Variants in KIAA2013 observed in about 807,000 individuals in gnomAD.
The protein encoded by KIAA2013 is KIAA2013.
A neutral mutation model predicts 39.9 loss-of-function variants in KIAA2013; 20 were observed. That is an observed-to-expected ratio of 0.50 (90% CI 0.35 to 0.73). KIAA2013 has a LOEUF of 0.73. KIAA2013 is among the 30% of genes least tolerant of loss of function. The pLI, the probability that KIAA2013 is intolerant of heterozygous loss-of-function variation, is 0.01. For synonymous variants in KIAA2013, 336 were observed against 416.6 expected, an observed-to-expected ratio of 0.81 and a Z score of 2.35; for missense variants, 587 against 856.1, an observed-to-expected ratio of 0.69 and a Z score of 3.92.
rs200674029 is a variant in KIAA2013, at chr1:11,922,891, C to G, written c.1632G>C (p.Ser544=). The change falls in exon 2 of 3, where the codon TCG becomes TCC. Residue 544 remains serine (S), a synonymous_variant. Transcript: ENST00000376572. ...GCGTGATGGGCTGTGTCACCATGAC[C>G]GAGAAGGTGTGGCCCGTGGGCGCCG... ...LTSAPTGHTF[S]VMVTQPITPL... is the part of the protein sequence containing the mutation. The G allele has an allele frequency of 6.2e-7, 1 of 1,612,150 alleles. No individual in the cohort carries two copies. Among genetic ancestry groups the G allele is most frequent in the South Asian group, 1.1e-5 (1 of 90,944 alleles).
At position 11,920,047 on chromosome 1, in the gene KIAA2013, T is replaced by G. The variant is rs528016940; in HGVS notation, c.*268A>C. 3.8e-6 allele frequency: 2 copies of G among 526,230 alleles called. No individual in the cohort carries two copies. The highest frequency in any genetic ancestry group is 3.9e-5 in the African/African-American group (2 of 51,418). 32.6% of individuals were successfully genotyped at this position (526,230 alleles called of 1,614,324 possible). The stretch of plus-strand genomic sequence containing the variant: ...GAAGAAAGGGGGAAAGTGGAAGGAG[T>G]GAGTTCCATTTCAAGTATTTGCCAT... On this transcript the variant is annotated 3_prime_UTR_variant, in exon 3 of 3. Transcript: ENST00000376572.
chr1:11,925,842 G>C lies in KIAA2013; in HGVS notation c.396C>G (p.Ser132Arg). 4 of 1,533,340 alleles carry C rather than the reference G, an allele frequency of 2.6e-6. No homozygotes were observed. Among genetic ancestry groups the C allele is most frequent in the Non-Finnish European group, 3.5e-6 (4 of 1,147,256 alleles). 95.0% of individuals were successfully genotyped at this position (1,533,340 alleles called of 1,614,324 possible). Residue 132 changes from serine to arginine, a missense_variant, in exon 1 of 3, where the codon AGC becomes AGG. By Grantham distance (110) the Ser-to-Arg change is moderately radical. Transcript: ENST00000376572. This position sits in a 1 kb window ranked among gnomAD's most constrained non-coding sequence, Gnocchi z 5.2. ...CCGCCTCTCCAGCTTCAGCCAGCGC[G>C]CTCAGCGGGCGCAGCTGCACGAAGG... is the stretch of plus-strand genomic sequence containing the variant. ...FVPFVQLRPL[S>R]ALAEAGEAVL... is the part of the protein sequence containing the mutation.
At position 11,926,308 on chromosome 1, in the gene KIAA2013, G is replaced by C. The variant is rs1645507506; in HGVS notation, c.-71C>G. On this transcript the variant is annotated 5_prime_UTR_variant, in exon 1 of 3. Transcript: ENST00000376572. Reference sequence around the variant, plus strand: ...CGCCGCCCAGCCCACCGGCCCGGCCGCCCGCGCCTCACTGCCCGGCCCGGA... The same window carrying C: ...CGCCGCCCAGCCCACCGGCCCGGCCCCCCGCGCCTCACTGCCCGGCCCGGA... 1.2e-6 allele frequency: 1 copy of C among 808,300 alleles called. No homozygotes were observed. Among genetic ancestry groups the C allele is most frequent in the African/African-American group, 1.9e-5 (1 of 53,536 alleles). 50.1% of individuals were successfully genotyped at this position (808,300 alleles called of 1,614,324 possible).
intron 2 of KIAA2013, 83 bp downstream of exon 2, chr1:11,922,553 C>A (rs755465526): frequency 2.0e-5 from 32 of 1,567,288 alleles, no homozygotes; most frequent in Non-Finnish European, 2.7e-5. Flanking sequence ...CCTCACCCCC[C>A]CTCGCCAGGC....
At chr1:11,924,183 G>C (rs1476690485) in intron 1 of KIAA2013, among the ~76,000 whole-genome samples, 1 of 151,934 alleles carries the variant, frequency 6.6e-6, no homozygotes, top group African/African-American at 2.4e-5. Flanking sequence ...CCATCCTCTC[G>C]CCGGGCGCGG....
At chr1:11,925,000 G>A (rs1181294150) in intron 1 of KIAA2013, among the ~76,000 whole-genome samples, 2 of 152,204 alleles carry the variant, frequency 1.3e-5, no homozygotes, top group Admixed American at 6.5e-5. Flanking sequence ...ACCTTCTGAG[G>A]TAGGCGTTAT....
intron 2 of KIAA2013, among the ~76,000 whole-genome samples, chr1:11,922,022 A>C (rs1414631031): frequency 6.7e-6 from 1 of 149,396 alleles, no homozygotes; most frequent in Non-Finnish European, 1.5e-5. Flanking sequence ...TGATTTTTAA[A>C]TTTTTTGTAG....
intron 2 of KIAA2013, 195 bp downstream of exon 2, chr1:11,922,440 TG>T: frequency 6.8e-7 from 1 of 1,460,478 alleles, no homozygotes; most frequent in Non-Finnish European, 9.1e-7. Context: ...AATTCACACC[TG>T]GATTTCCAGC....
rs1006512060 is a variant in KIAA2013, at chr1:11,922,957, G to A, written c.1566C>T (p.Ala522=). 6.2e-7 allele frequency: 1 copy of A among 1,612,278 alleles called. No individual in the cohort carries two copies. The highest frequency in any genetic ancestry group is 1.3e-5 in the African/African-American group (1 of 74,916). The change falls in exon 2 of 3, where the codon GCC becomes GCT. Residue 522 remains alanine (A), a synonymous_variant. Coordinates refer to ENST00000376572, the MANE Select transcript of KIAA2013 (RefSeq NM_138346.3). ...GCTCGTCCAGGCAGCCTGCCTTGCAGGCATAGATCTTGACAGGCTGGCCAC... is the reference window on the plus strand; with the variant it reads ...GCTCGTCCAGGCAGCCTGCCTTGCAAGCATAGATCTTGACAGGCTGGCCAC... ...ESRGQPVKIY[A]CKAGCLDEPV...
At position 11,925,967 on chromosome 1, in the gene KIAA2013, C is replaced by G; in HGVS notation, c.271G>C (p.Ala91Pro). 1.9e-6 allele frequency: 3 copies of G among 1,541,736 alleles called. No individual in the cohort carries two copies. Among genetic ancestry groups the G allele is most frequent in the Non-Finnish European group, 2.6e-6 (3 of 1,151,600 alleles). The change falls in exon 1 of 3, where the codon GCC becomes CCC. Residue 91 changes from alanine (A) to proline (P), a missense_variant. Ala to Pro is a conservative substitution (Grantham distance 27). Coordinates refer to ENST00000376572, the MANE Select transcript of KIAA2013 (RefSeq NM_138346.3). This position sits in a 1 kb window ranked among gnomAD's most constrained non-coding sequence, Gnocchi z 5.2. ...EVVPLGPGVP[A>P]LVANGFLALD... ...GCCAGGAAGCCGTTGGCCACCAGGGCCGGCACTCCAGGACCCAGCGGTACC... is the reference window on the plus strand; with the variant it reads ...GCCAGGAAGCCGTTGGCCACCAGGGGCGGCACTCCAGGACCCAGCGGTACC...
Position 11,922,677 on chromosome 1 carries a change from CGTT to C in KIAA2013, c.1843_1845del (p.Asn615del). 4 of 1,613,626 alleles carry C rather than the reference CGTT, an allele frequency of 2.5e-6. No individual in the cohort carries two copies. Among genetic ancestry groups the C allele is most frequent in the Non-Finnish European group, 3.4e-6 (4 of 1,179,852 alleles). On this transcript the variant is annotated inframe_deletion, in exon 2 of 3. Coordinates refer to ENST00000376572, the MANE Select transcript of KIAA2013 (RefSeq NM_138346.3). ...GGCTTGGCTCCAGGCCCACAGTACT[CGTT>C]GTAGATGAGCTTGAAGAGGAAGAGG...
Position 11,926,091 on chromosome 1 carries a change from C to T in KIAA2013, c.147G>A (p.Leu49=), listed in dbSNP as rs1380179644. 1.4e-6 allele frequency: 2 copies of T among 1,451,296 alleles called. No individual in the cohort carries two copies. Among genetic ancestry groups the T allele is most frequent in the African/African-American group, 1.5e-5 (1 of 67,510 alleles). The allele number at this position is 1,451,296 out of a possible 1,614,324, so 89.9% of individuals were successfully genotyped here. ...GARRAAGGLH[L]LPWSRGEPGA... is the part of the protein sequence containing the mutation. Reference sequence around the variant, plus strand: ...CCGGCTCACCGCGGGACCAGGGCAGCAGGTGCAGGCCGCCCGCCGCCCGCC... The same window carrying T: ...CCGGCTCACCGCGGGACCAGGGCAGTAGGTGCAGGCCGCCCGCCGCCCGCC... Residue 49 remains leucine (L), a synonymous_variant, in exon 1 of 3, where the codon CTG becomes CTA. Transcript: ENST00000376572.
In KIAA2013 at chr1:11,923,146, C is replaced by T. The variant is rs1222572003; in HGVS notation, c.1377G>A (p.Gly459=). ...GGTGGTTCTCTGTGAACTGCAGCCC[C>T]CCAAAGCTGAGCACCATCCCCTGCA... is the stretch of plus-strand genomic sequence containing the variant. The part of the protein sequence containing the change: ...GILQGMVLSF[G]GLQFTENHLQ... The change falls in exon 2 of 3, where the codon GGG becomes GGA. Residue 459 remains glycine, a synonymous_variant. Transcript: ENST00000376572. The surrounding 1 kb of genome is among the most constrained non-coding windows in gnomAD (Gnocchi z 4.6). 1.2e-6 allele frequency: 2 copies of T among 1,612,618 alleles called. No homozygotes were observed. The highest frequency in any genetic ancestry group is 1.7e-6 in the Non-Finnish European group (2 of 1,179,204).
chr1:11,922,469 C>G (rs1357675728), intron 2 of KIAA2013, 167 bp downstream of exon 2: 1 of 1,476,764 alleles, frequency 6.8e-7, no homozygotes, highest in Non-Finnish European at 9.0e-7. Context: ...TCCTCGTCGT[C>G]TCCTCTCAAA....
At chr1:11,924,559 AC>A (rs1261391293) in intron 1 of KIAA2013, among the ~76,000 whole-genome samples, 1 of 152,132 alleles carries the variant, frequency 6.6e-6, no homozygotes, top group African/African-American at 2.4e-5. Context: ...TTCAATAGAT[AC>A]TTGCTGAATG....
Position 11,923,128 on chromosome 1 carries a change from C to A in KIAA2013, c.1395G>T (p.Glu465Asp). 1 of 1,610,126 alleles carries A rather than the reference C, an allele frequency of 6.2e-7. No individual in the cohort carries two copies. The highest frequency in any genetic ancestry group is 2.2e-5 in the East Asian group (1 of 44,736). ...GGTCGGCCTGGAACTGGAGGTGGTT[C>A]TCTGTGAACTGCAGCCCCCCAAAGC... is the stretch of plus-strand genomic sequence containing the variant. ...VLSFGGLQFT[E>D]NHLQFQADPD... is the part of the protein sequence containing the mutation. Residue 465 changes from glutamate to aspartate, a missense_variant, in exon 2 of 3, where the codon GAG becomes GAT. Physicochemically the swap from Glu to Asp is conservative, Grantham distance 45. Transcript: ENST00000376572. The surrounding 1 kb of genome is among the most constrained non-coding windows in gnomAD (Gnocchi z 4.6).
chr1:11,922,761 G>C lies in KIAA2013; in HGVS notation c.1762C>G (p.Pro588Ala). Residue 588 changes from proline to alanine, a missense_variant, in exon 2 of 3, where the codon CCC becomes GCC. By Grantham distance (27) the Pro-to-Ala change is conservative. Transcript: ENST00000376572. ...AACCAGAAGAGGAAGGGCAGCCCGG[G>C]GTCCTGCTGGGCCATGTGCTCATCA... The part of the protein sequence containing the change: ...AHDEHMAQQD[P>A]GLPFLFWFSV... The C allele has an allele frequency of 6.2e-7, 1 of 1,614,096 alleles. No individual in the cohort carries two copies.
chr1:11,923,181 G>A lies in KIAA2013; in HGVS notation c.1342C>T (p.Pro448Ser). The A allele has an allele frequency of 5.6e-6, 9 of 1,613,620 alleles. No homozygotes were observed. The highest frequency in any genetic ancestry group is 6.8e-6 in the Non-Finnish European group (8 of 1,179,820). Residue 448 changes from proline to serine, a missense_variant, in exon 2 of 3, where the codon CCA becomes TCA. Pro to Ser is a moderately conservative substitution (Grantham distance 74, BLOSUM62 -1). Transcript: ENST00000376572. The surrounding 1 kb of genome is among the most constrained non-coding windows in gnomAD (Gnocchi z 4.6). ...AGCACCATCCCCTGCAGGATGCCTG[G>A]GGCACCCACCTTCACCAGCCCCTTG... ...GCKGLVKVGA[P>S]GILQGMVLSF...
Position 11,925,827 on chromosome 1 carries a change from A to C in KIAA2013, c.411T>G (p.Ala137=). 5 of 1,535,978 alleles carry C rather than the reference A, an allele frequency of 3.3e-6. No homozygotes were observed. Among genetic ancestry groups the C allele is most frequent in the Non-Finnish European group, 4.4e-6 (5 of 1,149,104 alleles). Residue 137 remains alanine, a synonymous_variant, in exon 1 of 3, where the codon GCT becomes GCG. Coordinates refer to ENST00000376572, the MANE Select transcript of KIAA2013 (RefSeq NM_138346.3). This position sits in a 1 kb window ranked among gnomAD's most constrained non-coding sequence, Gnocchi z 5.2. ...CCCGCAGCAGCAGCACCGCCTCTCCAGCTTCAGCCAGCGCGCTCAGCGGGC... is the reference window on the plus strand; with the variant it reads ...CCCGCAGCAGCAGCACCGCCTCTCCCGCTTCAGCCAGCGCGCTCAGCGGGC... The part of the protein sequence containing the change: ...QLRPLSALAE[A]GEAVLLLREG...
Sources: allele counts gnomAD v4.1 joint callset (sites outside exome capture counted in the v4.1 genomes callset), GRCh38; gene constraint gnomAD v4.1.1; non-coding constraint Gnocchi (gnomAD v3.1); transcripts MANE v1.5; gene names NCBI Gene and HGNC (gene_info 2026-07-23, HGNC 2026-07-21).